Variants in AGPAT3 observed in about 807,000 individuals in gnomAD.
The protein encoded by AGPAT3 is 1-acylglycerol-3-phosphate O-acyltransferase 3.
A neutral mutation model predicts 47.3 loss-of-function variants in AGPAT3; 5 were observed. The ratio of observed to expected loss-of-function variants is 0.11; its 90% confidence interval spans 0.06 to 0.22. AGPAT3 has a LOEUF of 0.22. Ranked by LOEUF, AGPAT3 falls within the 10% of genes least tolerant of loss-of-function variation. The pLI is 1.00. For missense variants in AGPAT3, 315 were observed against 493.0 expected, an observed-to-expected ratio of 0.64 and a Z score of 3.42; for synonymous variants, 212 against 208.3, an observed-to-expected ratio of 1.02 and a Z score of -0.15.
rs1438283736 is a variant in AGPAT3 at position 43,930,433 on chromosome 21, T to A, written c.-49+26414T>A. Among the ~76,000 whole-genome samples, 1 of 152,174 alleles carries A rather than the reference T, an allele frequency of 6.6e-6. No homozygotes were observed. The highest frequency in any genetic ancestry group is 1.5e-5 in the Non-Finnish European group (1 of 68,032). ...AAAGCACCTGCCACTGAGTGTGACC[T>A]CAGGGTTGCCCGTGCGACCTCAGCG... On this transcript the variant is annotated intron_variant, in intron 2 of 9. Coordinates refer to ENST00000291572, the MANE Select transcript of AGPAT3 (RefSeq NM_020132.5). This position sits in a 1 kb window ranked among gnomAD's most constrained non-coding sequence, Gnocchi z 5.0.
chr21:43,925,900 C>G (rs1291254951), intron 2 of AGPAT3, among the ~76,000 whole-genome samples: 2 of 152,232 alleles, frequency 1.3e-5, no homozygotes, highest in Non-Finnish European at 2.9e-5. Flanking sequence ...GTAACAAACC[C>G]AGAGCTGGCC....
chr21:43,941,702 G>A (rs981386300), intron 2 of AGPAT3, among the ~76,000 whole-genome samples: 27 of 152,264 alleles, frequency 1.8e-4, no homozygotes, highest in African/African-American at 6.3e-4. Flanking sequence ...GCTACCGCGA[G>A]TGTGACGGGG....
intron 8 of AGPAT3, among the ~76,000 whole-genome samples, chr21:43,978,406 G>C (rs537036992): frequency 8.5e-5 from 13 of 152,108 alleles, no homozygotes; most frequent in African/African-American, 2.7e-4. Flanking sequence ...GGGCTCAAGC[G>C]ATCCTCCTGC....
chr21:43,963,682 TG>T (rs552896902), intron 3 of AGPAT3, among the ~76,000 whole-genome samples: 6 of 130,170 alleles, frequency 4.6e-5, no homozygotes, highest in Non-Finnish European at 7.7e-5. Flanking sequence ...CACTCCAGCC[TG>T]GGTGACAGAG....
At chr21:43,924,405 A>C (rs1159426168) in intron 2 of AGPAT3, among the ~76,000 whole-genome samples, 1 of 152,188 alleles carries the variant, frequency 6.6e-6, no homozygotes, top group African/African-American at 2.4e-5. Flanking sequence ...CCACTCAGGA[A>C]ATTACAAGGA....
chr21:43,968,276 T>G (rs1601451577), intron 4 of AGPAT3, among the ~76,000 whole-genome samples, 161 bp downstream of exon 4: 4 of 15,184 alleles, frequency 2.6e-4, no homozygotes, highest in African/African-American at 5.8e-4. Context: ...CCAGGAGGGC[T>G]GGGGATGAGC....
At chr21:43,926,060 T>TA (rs1467648681) in intron 2 of AGPAT3, among the ~76,000 whole-genome samples, 1 of 152,256 alleles carries the variant, frequency 6.6e-6, no homozygotes, top group African/African-American at 2.4e-5. Flanking sequence ...TTGGATTAGG[T>TA]AAAACACATC....
chr21:43,962,031 C>A (rs183179756), intron 3 of AGPAT3, among the ~76,000 whole-genome samples: 1 of 148,558 alleles, frequency 6.7e-6, no homozygotes, highest in African/African-American at 2.5e-5. Context: ...GACTGAGTCT[C>A]GCTCTGTTGC....
Position 43,954,919 on chromosome 21 carries a change from G to C in AGPAT3, c.-48-4715G>C. ...GGGGAGTCTCTGCGTAGACTTTCTA[G>C]CCCAGAGGTTCAGGTGATGGACCAG... On this transcript the variant is annotated intron_variant, in intron 2 of 9. Transcript: ENST00000291572. This position sits in a 1 kb window ranked among gnomAD's most constrained non-coding sequence, Gnocchi z 4.0. 1 of 759,186 alleles carries C rather than the reference G, an allele frequency of 1.3e-6. No individual in the cohort carries two copies. 47.0% of individuals were successfully genotyped at this position (759,186 alleles called of 1,614,324 possible).
At chr21:43,868,047 A>T (rs1444528295) in intron 1 of AGPAT3, among the ~76,000 whole-genome samples, 1 of 152,250 alleles carries the variant, frequency 6.6e-6, no homozygotes, top group African/African-American at 2.4e-5. Context: ...ACCTTCTGAC[A>T]GGCTTTCATG....
chr21:43,961,986 C>T (rs1233976731), intron 3 of AGPAT3, among the ~76,000 whole-genome samples: 1 of 151,566 alleles, frequency 6.6e-6, no homozygotes, highest in Non-Finnish European at 1.5e-5. Flanking sequence ...AGCTTCAGTT[C>T]CTGGTTTGTT....
chr21:43,974,745 C>T (rs1006376489), intron 7 of AGPAT3, among the ~76,000 whole-genome samples: 11 of 151,842 alleles, frequency 7.2e-5, no homozygotes, highest in African/African-American at 2.4e-4. Flanking sequence ...GTGGTGTGTA[C>T]GACATGGGGC....
chr21:43,976,840 G>A (rs774246146), intron 7 of AGPAT3, among the ~76,000 whole-genome samples: 3 of 152,202 alleles, frequency 2.0e-5, no homozygotes, highest in East Asian at 1.9e-4. Flanking sequence ...GCTCAGTGAC[G>A]GGCGCTGTGG....
intron 1 of AGPAT3, among the ~76,000 whole-genome samples, chr21:43,877,966 C>G (rs376182945): frequency 2.0e-5 from 3 of 152,106 alleles, no homozygotes; most frequent in African/African-American, 7.2e-5. Context: ...GCCTCCTGCC[C>G]CACCACCAGC....
At chr21:43,876,051 G>A (rs550206163) in intron 1 of AGPAT3, among the ~76,000 whole-genome samples, 1 of 152,144 alleles carries the variant, frequency 6.6e-6, no homozygotes, top group Non-Finnish European at 1.5e-5. Flanking sequence ...AGCCTCCCAA[G>A]TGCTGGGATT....
chr21:43,911,173 CTT>C (rs1231328877), intron 2 of AGPAT3, among the ~76,000 whole-genome samples: 9 of 152,210 alleles, frequency 5.9e-5, no homozygotes, highest in Non-Finnish European at 7.3e-5. Context: ...TCTTGGAAAA[CTT>C]TTACTACACA....
At chr21:43,974,456 A>G (rs1656844324) in intron 7 of AGPAT3, among the ~76,000 whole-genome samples, 1 of 150,526 alleles carries the variant, frequency 6.6e-6, no homozygotes, top group Non-Finnish European at 1.5e-5. Context: ...GTGTGTATAA[A>G]TTATAAATGT....
At chr21:43,944,872 C>CGGGA (rs1228964499) in intron 2 of AGPAT3, among the ~76,000 whole-genome samples, 1 of 152,212 alleles carries the variant, frequency 6.6e-6, no homozygotes, top group East Asian at 1.9e-4. Flanking sequence ...ACAGCAAGTG[C>CGGGA]GGGAGGTGTC....
chr21:43,985,302 C>T lies in AGPAT3; in HGVS notation c.*2910C>T, dbSNP rs1268654003. 1 of 434,552 alleles carries T rather than the reference C, an allele frequency of 2.3e-6. No individual in the cohort carries two copies. Among genetic ancestry groups the T allele is most frequent in the African/African-American group, 2.0e-5 (1 of 49,426 alleles). The allele number at this position is 434,552 out of a possible 1,614,324, so 26.9% of individuals were successfully genotyped here. A position where few individuals can be genotyped will look rare whatever the true frequency, so the allele number is the denominator to read the frequency against. On this transcript the variant is annotated 3_prime_UTR_variant, in exon 10 of 10. Coordinates refer to ENST00000291572, the MANE Select transcript of AGPAT3 (RefSeq NM_020132.5). ...CACCCTATGTGAGGTGCTTTAAGGT[C>T]CCTGTCCTCAGGAAGCGCAGTCTGG... is the stretch of plus-strand genomic sequence containing the variant.
Sources: allele counts gnomAD v4.1 joint callset (sites outside exome capture counted in the v4.1 genomes callset), GRCh38; gene constraint gnomAD v4.1.1; non-coding constraint Gnocchi (gnomAD v3.1); transcripts MANE v1.5; gene names NCBI Gene and HGNC (gene_info 2026-07-23, HGNC 2026-07-21).